Variants in SLC17A1 observed in about 807,000 individuals in gnomAD.
The protein encoded by SLC17A1 is sodium-dependent phosphate transport protein 1.
In SLC17A1, 51 loss-of-function variants were observed where a neutral mutation model predicts 53.5. That is an observed-to-expected ratio of 0.95 (90% CI 0.76 to 1.20). The LOEUF (loss-of-function observed/expected upper bound fraction) is 1.20. Among genes scored for constraint, SLC17A1 ranks in the 50% most tolerant of loss-of-function variants. The pLI is 0.00. For synonymous variants in SLC17A1, 179 were observed against 198.8 expected (o/e 0.90, Z 0.84); for missense variants, 538 against 568.2 (o/e 0.95, Z 0.54).
At chr6:25,769,422 G>A in the SLC17A1 span, among the ~76,000 whole-genome samples, 1 of 152,062 alleles carries the variant, frequency 6.6e-6, no homozygotes, top group Non-Finnish European at 1.5e-5. Flanking sequence ...GCCAGGCATG[G>A]TCATAGGCAC....
At chr6:25,824,664 A>G (rs1047866636) in intron 3 of SLC17A1, among the ~76,000 whole-genome samples, 2 of 151,854 alleles carry the variant, frequency 1.3e-5, no homozygotes, top group Non-Finnish European at 3.0e-5. Flanking sequence ...TATAAAACCT[A>G]TGGAAGCTAT....
At chr6:25,758,811 T>C in the SLC17A1 span, among the ~76,000 whole-genome samples, 1 of 152,188 alleles carries the variant, frequency 6.6e-6, no homozygotes, top group African/African-American at 2.4e-5. Context: ...TTTGCTCTGA[T>C]CTTGGTTATT....
the SLC17A1 span, chr6:25,726,600 C>G: frequency 3.3e-6 from 5 of 1,515,652 alleles, no homozygotes; most frequent in South Asian, 5.2e-5. Context: ...TATAGTCTGA[C>G]TGAGGTTGGC....
chr6:25,823,865 A>G (rs1316637438), intron 3 of SLC17A1, among the ~76,000 whole-genome samples: 1 of 151,762 alleles, frequency 6.6e-6, no homozygotes, highest in Non-Finnish European at 1.5e-5. Flanking sequence ...TCATTGATCT[A>G]TTTTCTGTCT....
intron 10 of SLC17A1, among the ~76,000 whole-genome samples, chr6:25,810,962 T>C (rs1764133995): frequency 1.3e-5 from 2 of 152,154 alleles, no homozygotes; most frequent in South Asian, 4.1e-4. Flanking sequence ...ACAACTTGAA[T>C]GAACCTGGAG....
intron 1 of SLC17A1, among the ~76,000 whole-genome samples, chr6:25,831,094 G>A (rs1052354942): frequency 1.3e-5 from 2 of 152,124 alleles, no homozygotes; most frequent in African/African-American, 4.8e-5. Context: ...TCTGCTTATT[G>A]ATAAGATCAA....
downstream of SLC17A1, among the ~76,000 whole-genome samples, chr6:25,778,525 T>TATTC (rs555216672): frequency 2.0e-3 from 311 of 152,304 alleles, 4 homozygotes; most frequent in African/African-American, 7.1e-3. Context: ...TTCAATGACT[T>TATTC]ATTCATTCAT....
the SLC17A1 span, chr6:25,726,740 G>A: frequency 7.4e-6 from 8 of 1,082,552 alleles, no homozygotes; most frequent in South Asian, 3.2e-5. Flanking sequence ...TTTGAGGGCC[G>A]TGCCTATAAA....
At chr6:25,758,642 C>T in the SLC17A1 span, among the ~76,000 whole-genome samples, 2 of 152,068 alleles carry the variant, frequency 1.3e-5, no homozygotes, top group Non-Finnish European at 2.9e-5. Context: ...TAATATCTCC[C>T]GTTTTGTTTC....
At chr6:25,810,724 T>C (rs1443117387) in intron 10 of SLC17A1, among the ~76,000 whole-genome samples, 1 of 152,132 alleles carries the variant, frequency 6.6e-6, no homozygotes, top group Non-Finnish European at 1.5e-5. Context: ...GTATAACCAC[T>C]ATATGATCCA....
chr6:25,811,521 C>T lies in SLC17A1; in HGVS notation c.1055G>A (p.Gly352Asp). 1 of 1,613,794 alleles carries T rather than the reference C, an allele frequency of 6.2e-7. No homozygotes were observed. Among genetic ancestry groups the T allele is most frequent in the Non-Finnish European group, 8.5e-7 (1 of 1,179,890 alleles). The change falls in exon 10 of 13, where the codon GGT (glycine) becomes GAT (aspartate). Residue 352 changes from glycine to aspartate, a missense_variant. Gly to Asp is a moderately conservative substitution (Grantham distance 94). Coordinates refer to ENST00000244527, the MANE Select transcript of SLC17A1 (RefSeq NM_005074.5). Reference sequence around the variant, plus strand: ...GGAACTCAGGTAAGGCAGGCAGACACCAAAGATTGCAGGAAGGAGAAATCC... The same window carrying T: ...GGAACTCAGGTAAGGCAGGCAGACATCAAAGATTGCAGGAAGGAGAAATCC... Reference protein sequence around the residue: ...AAGFLLPAIFGVCLPYLSSTF... With the variant: ...AAGFLLPAIFDVCLPYLSSTF...
At chr6:25,784,329 A>G (rs1763332975) in intron 12 of SLC17A1, among the ~76,000 whole-genome samples, 1 of 152,170 alleles carries the variant, frequency 6.6e-6, no homozygotes, top group Non-Finnish European at 1.5e-5. Context: ...TTATAAAGAA[A>G]AGAGGTTTAT....
At chr6:25,727,490 C>T in the SLC17A1 span, among the ~76,000 whole-genome samples, 2 of 150,168 alleles carry the variant, frequency 1.3e-5, no homozygotes, top group African/African-American at 4.9e-5. Flanking sequence ...CTCCTGAGTT[C>T]ACGCCATTCT....
intron 10 of SLC17A1, among the ~76,000 whole-genome samples, chr6:25,804,782 C>T (rs1192589588): frequency 6.6e-6 from 1 of 151,952 alleles, no homozygotes. Context: ...TAAAAAAAGA[C>T]AAAGGAGGTC....
the SLC17A1 span, among the ~76,000 whole-genome samples, chr6:25,743,204 A>G: frequency 6.6e-6 from 1 of 152,222 alleles, no homozygotes; most frequent in Non-Finnish European, 1.5e-5. Context: ...AGGAGTAACA[A>G]TTTAAACCAT....
At chr6:25,824,110 A>T (rs973933663) in intron 3 of SLC17A1, among the ~76,000 whole-genome samples, 1 of 152,034 alleles carries the variant, frequency 6.6e-6, no homozygotes, top group African/African-American at 2.4e-5. Context: ...CATAGATTTA[A>T]CAGTAAAATG....
At chr6:25,725,749 C>T in the SLC17A1 span, among the ~76,000 whole-genome samples, 116 of 152,228 alleles carry the variant, frequency 7.6e-4, no homozygotes, top group African/African-American at 2.7e-3. Context: ...TACAGGCCTG[C>T]ATCACCAGAC....
chr6:25,823,661 T>A (rs770290369), intron 3 of SLC17A1, among the ~76,000 whole-genome samples: 1 of 151,990 alleles, frequency 6.6e-6, no homozygotes, highest in Admixed American at 6.6e-5. Flanking sequence ...TTGTATTGGG[T>A]TGTGTTTTTT....
chr6:25,814,990 A>ACACAC (rs1554130874), intron 6 of SLC17A1, among the ~76,000 whole-genome samples: 3 of 51,576 alleles, frequency 5.8e-5, no homozygotes, highest in African/African-American at 2.2e-4. Context: ...CTGTCACACA[A>ACACAC]ACACACACAC....
Sources: allele counts gnomAD v4.1 joint callset (sites outside exome capture counted in the v4.1 genomes callset), GRCh38; gene constraint gnomAD v4.1.1; transcripts MANE v1.5; gene names NCBI Gene and HGNC (gene_info 2026-07-23, HGNC 2026-07-21).